The following ADD2 variants were observed in gnomAD, a reference collection of about 807,000 sequenced individuals.
The protein encoded by ADD2 is adducin 2.
Under a neutral mutation model 83.0 loss-of-function variants are expected in ADD2, and 23 were observed. The observed-to-expected ratio is 0.28, with a 90% CI of 0.20 to 0.39. The LOEUF is 0.39. Among genes scored for constraint, ADD2 ranks in the 10% least tolerant of loss-of-function variants. The pLI is 1.00. For synonymous variants in ADD2, 375 were observed against 375.4 expected (o/e 1.00, Z 0.01); for missense variants, 758 against 944.9 (o/e 0.80, Z 2.59).
chr2:70,701,327 T>C (rs1671570675), intron 4 of ADD2, among the ~76,000 whole-genome samples: 1 of 152,068 alleles, frequency 6.6e-6, no homozygotes, highest in South Asian at 2.1e-4. Flanking sequence ...AAAATGTATT[T>C]TATGACATTC....
At position 70,657,857 on chromosome 2, in the gene ADD2, A is replaced by C. The variant is rs1574201828; in HGVS notation, c.*5568T>G. ...CAGTGGGTGAGGAGAGGAGCCCAGG[A>C]CCTGACTCTACTAGAAAACTGCCAG... On this transcript the variant is annotated 3_prime_UTR_variant, in exon 16 of 16. Transcript: ENST00000264436. The C allele has an allele frequency of 6.6e-6, 1 of 152,160 alleles. No individual in the cohort carries two copies. Among genetic ancestry groups the C allele is most frequent in the East Asian group, 1.9e-4 (1 of 5,174 alleles). The allele number at this position is 152,160 out of a possible 1,614,324, so 9.4% of individuals were successfully genotyped here. A position where few individuals can be genotyped will look rare whatever the true frequency, so the allele number is the denominator to read the frequency against.
At chr2:70,766,037 C>T (rs565078187) in intron 1 of ADD2, among the ~76,000 whole-genome samples, 62 of 152,282 alleles carry the variant, frequency 4.1e-4, no homozygotes, top group African/African-American at 1.5e-3. Context: ...TTTGCTAATT[C>T]CAACACTATA....
At chr2:70,688,155 A>C (rs1245481766) in intron 8 of ADD2, 33 bp from the exon 9 acceptor site, 1 of 1,571,148 alleles carries the variant, frequency 6.4e-7, no homozygotes, top group Non-Finnish European at 8.8e-7. Context: ...TTAAAACCTT[A>C]AGTCCTCTAA....
At chr2:70,705,966 A>T (rs377227061) in intron 3 of ADD2, among the ~76,000 whole-genome samples, 8 of 152,274 alleles carry the variant, frequency 5.3e-5, no homozygotes, top group African/African-American at 1.9e-4. Context: ...GGGGCACAGG[A>T]AACTGAGGGG....
chr2:70,672,572 T>A (rs1471120812), intron 15 of ADD2, among the ~76,000 whole-genome samples: 1 of 152,172 alleles, frequency 6.6e-6, no homozygotes, highest in African/African-American at 2.4e-5. Context: ...CGTTAAGGTC[T>A]GAGAAAGGGG....
intron 1 of ADD2, among the ~76,000 whole-genome samples, chr2:70,727,913 A>AAATG (rs1673091511): frequency 6.6e-6 from 1 of 151,084 alleles, no homozygotes; most frequent in Non-Finnish European, 1.5e-5. Context: ...ATAAATAAAT[A>AAATG]AATAAATAAA....
Position 70,704,450 on chromosome 2 carries a change from C to G in ADD2, c.193G>C (p.Glu65Gln), listed in dbSNP as rs782227971. The part of the protein sequence containing the change: ...TMILQSPSFR[E>Q]ELEGLIQEQM... The stretch of plus-strand genomic sequence containing the variant: ...TCCTGGATGAGGCCTTCCAGCTCCT[C>G]CCTGAAAGACTGAAGCAGGCCCCGA... Residue 65 changes from glutamate (E) to glutamine (Q), a missense_variant, in exon 4 of 16, where the codon GAG becomes CAG. Around this residue, in one of 5 missense-constraint regions of ADD2, gnomAD observed 175 missense variants for 192.1 expected, o/e 0.91. Coordinates refer to ENST00000264436, the MANE Select transcript of ADD2 (RefSeq NM_001617.4). 6 of 1,614,124 alleles carry G rather than the reference C, an allele frequency of 3.7e-6. No individual in the cohort carries two copies. Among genetic ancestry groups the G allele is most frequent in the Non-Finnish European group, 5.1e-6 (6 of 1,180,016 alleles).
chr2:70,760,338 C>G (rs1205294390), intron 1 of ADD2, among the ~76,000 whole-genome samples: 3 of 152,170 alleles, frequency 2.0e-5, no homozygotes, highest in Non-Finnish European at 4.4e-5. Flanking sequence ...TGACCACTGT[C>G]TTACACAAAC....
intron 4 of ADD2, among the ~76,000 whole-genome samples, chr2:70,696,761 CAGTT>C (rs1671333537): frequency 6.6e-6 from 1 of 152,132 alleles, no homozygotes; most frequent in Non-Finnish European, 1.5e-5. Context: ...TATATTTCAT[CAGTT>C]ATTATTAATG....
At position 70,768,155 on chromosome 2, in the gene ADD2, C is replaced by G; in HGVS notation, c.-423G>C. 2 of 611,462 alleles carry G rather than the reference C, an allele frequency of 3.3e-6. No individual in the cohort carries two copies. Among genetic ancestry groups the G allele is most frequent in the East Asian group, 2.8e-5 (1 of 35,342 alleles). 37.9% of individuals were successfully genotyped at this position (611,462 alleles called of 1,614,324 possible). A position where few individuals can be genotyped will look rare whatever the true frequency, so the allele number is the denominator to read the frequency against. ...TCCCGCTAGTCCCTCACAGCCCTGC[C>G]GTCAGAATTAAAGCCATTTCCCGCA... On this transcript the variant is annotated 5_prime_UTR_variant, in exon 1 of 16. Transcript: ENST00000264436.
intron 1 of ADD2, among the ~76,000 whole-genome samples, chr2:70,732,091 G>C (rs543525675): frequency 6.6e-6 from 1 of 152,330 alleles, no homozygotes; most frequent in East Asian, 1.9e-4. Flanking sequence ...TTCTCATTGA[G>C]TTGAGAGGAT....
At chr2:70,694,591 G>A (rs62149790) in intron 6 of ADD2, among the ~76,000 whole-genome samples, 8,350 of 152,146 alleles carry the variant, frequency 0.055, 309 homozygotes, top group Non-Finnish European at 0.086. Flanking sequence ...ATCTGGGTTT[G>A]ATGCATGCTG....
intron 1 of ADD2, among the ~76,000 whole-genome samples, chr2:70,755,902 T>C (rs1393429303): frequency 2.0e-5 from 3 of 151,120 alleles, no homozygotes; most frequent in African/African-American, 7.3e-5. Context: ...CTACTAAAAA[T>C]ACAAAAATCA....
At chr2:70,693,790 C>T (rs1671172895) in intron 6 of ADD2, among the ~76,000 whole-genome samples, 1 of 152,182 alleles carries the variant, frequency 6.6e-6, no homozygotes, top group African/African-American at 2.4e-5. Context: ...TGATCTCTCT[C>T]TGATCTTACA....
At chr2:70,711,470 A>C (rs1161127669) in intron 2 of ADD2, among the ~76,000 whole-genome samples, 2 of 152,150 alleles carry the variant, frequency 1.3e-5, no homozygotes, top group Non-Finnish European at 2.9e-5. Flanking sequence ...GAGGGGCTAG[A>C]GATTGAGTCC....
intron 1 of ADD2, among the ~76,000 whole-genome samples, chr2:70,731,368 A>T (rs782037040): frequency 1.1e-4 from 16 of 152,212 alleles, no homozygotes; most frequent in Non-Finnish European, 7.3e-5. Context: ...CAGAAGGCTG[A>T]CACTAAAGTA....
At chr2:70,761,226 A>ATT (rs377105152) in intron 1 of ADD2, among the ~76,000 whole-genome samples, 19,054 of 122,712 alleles carry the variant, frequency 0.16, 1,382 homozygotes, top group Middle Eastern at 0.3. Flanking sequence ...AGCATGCATT[A>ATT]CTTTTTTTTT....
At chr2:70,723,920 C>T (rs1672854401) in intron 1 of ADD2, among the ~76,000 whole-genome samples, 1 of 152,148 alleles carries the variant, frequency 6.6e-6, no homozygotes, top group Admixed American at 6.5e-5. Flanking sequence ...AGGGGAGACC[C>T]CACCTCTCAC....
At chr2:70,733,631 G>A (rs536414222) in intron 1 of ADD2, among the ~76,000 whole-genome samples, 1 of 152,320 alleles carries the variant, frequency 6.6e-6, no homozygotes, top group East Asian at 1.9e-4. Flanking sequence ...AGATTTGGCT[G>A]AGTACCTGTT....
Sources: allele counts gnomAD v4.1 joint callset (sites outside exome capture counted in the v4.1 genomes callset), GRCh38; gene constraint gnomAD v4.1.1; regional missense constraint gnomAD v4.1.1; transcripts MANE v1.5; gene names NCBI Gene and HGNC (gene_info 2026-07-23, HGNC 2026-07-21).